Variants in PRKD1 observed in about 807,000 individuals in gnomAD.
The protein encoded by PRKD1 is protein kinase D1.
In PRKD1, 63 loss-of-function variants were observed where a neutral mutation model predicts 95.9. The observed-to-expected ratio is 0.66, with a 90% CI of 0.54 to 0.81. The LOEUF is 0.81. Ranked by LOEUF, PRKD1 falls within the 30% of genes least tolerant of loss-of-function variation. PRKD1 has a pLI of 0.00. For missense variants in PRKD1, 1,048 were observed against 1,165.3 expected (o/e 0.90, Z 1.47); for synonymous variants, 425 against 423.1 (o/e 1.00, Z -0.05).
At chr14:29,710,688 A>C (rs1230460237) in intron 2 of PRKD1, among the ~76,000 whole-genome samples, 1 of 152,182 alleles carries the variant, frequency 6.6e-6, no homozygotes, top group African/African-American at 2.4e-5. Context: ...CAAATCATAT[A>C]CCAATGTTAA....
rs1879818310 is a variant in PRKD1, at chr14:29,629,104, A to G, written c.1673-11T>C. 12 of 1,602,714 alleles carry G rather than the reference A, an allele frequency of 7.5e-6. No individual in the cohort carries two copies. The highest frequency in any genetic ancestry group is 1.0e-5 in the Non-Finnish European group (12 of 1,174,862). On this transcript the variant is annotated splice_polypyrimidine_tract_variant and intron_variant, in intron 10 of 17. Transcript: ENST00000331968. ...TCACAGAGATATCTCCTGGAAATGC[A>G]TGTAAAACAATATGCACACAAAAAG...
intron 1 of PRKD1, among the ~76,000 whole-genome samples, chr14:29,733,927 T>G (rs779877083): frequency 7.2e-5 from 11 of 152,084 alleles, no homozygotes; most frequent in Non-Finnish European, 1.3e-4. Flanking sequence ...TGTTTTCATT[T>G]AAATCCTTGA....
At chr14:29,877,000 A>T (rs140387771) in intron 1 of PRKD1, among the ~76,000 whole-genome samples, 47 of 152,250 alleles carry the variant, frequency 3.1e-4, no homozygotes, top group Non-Finnish European at 3.4e-4. Context: ...AAAAATACAA[A>T]AATTAGACAG....
chr14:29,671,660 G>A (rs1258805318), intron 2 of PRKD1, among the ~76,000 whole-genome samples: 1 of 152,122 alleles, frequency 6.6e-6, no homozygotes, highest in African/African-American at 2.4e-5. Flanking sequence ...GGATGGATGA[G>A]AAAGGGGCTT....
chr14:29,872,049 A>G (rs1173306837), intron 1 of PRKD1, among the ~76,000 whole-genome samples: 1 of 152,208 alleles, frequency 6.6e-6, no homozygotes, highest in Non-Finnish European at 1.5e-5. Flanking sequence ...GGGTTCAGTG[A>G]AAAACAGTTT....
intron 2 of PRKD1, among the ~76,000 whole-genome samples, chr14:29,683,123 G>T (rs1303420087): frequency 6.6e-6 from 1 of 152,218 alleles, no homozygotes; most frequent in Admixed American, 6.5e-5. Context: ...GGACTGTAGA[G>T]AGGAAGGATT....
At chr14:29,900,397 G>T (rs953905888) in intron 1 of PRKD1, among the ~76,000 whole-genome samples, 3 of 151,982 alleles carry the variant, frequency 2.0e-5, no homozygotes, top group African/African-American at 7.2e-5. Context: ...AATGAAAAAA[G>T]AAAAATCTTG....
At chr14:29,708,495 G>C (rs376148674) in intron 2 of PRKD1, among the ~76,000 whole-genome samples, 1 of 152,014 alleles carries the variant, frequency 6.6e-6, no homozygotes, top group East Asian at 1.9e-4. Context: ...TAGATATTTC[G>C]TTCTTACTAA....
intron 1 of PRKD1, among the ~76,000 whole-genome samples, chr14:29,729,112 T>A (rs956238538): frequency 3.9e-5 from 6 of 152,164 alleles, no homozygotes; most frequent in Non-Finnish European, 7.4e-5. Flanking sequence ...TTCTCCTATA[T>A]TTTATTCTAC....
intron 16 of PRKD1, among the ~76,000 whole-genome samples, chr14:29,589,897 T>C (rs1379991461): frequency 6.6e-6 from 1 of 152,166 alleles, no homozygotes; most frequent in Non-Finnish European, 1.5e-5. Flanking sequence ...TTTTAAATAT[T>C]TAAAATTTTT....
At chr14:29,762,054 G>A (rs893797070) in intron 1 of PRKD1, among the ~76,000 whole-genome samples, 4 of 152,082 alleles carry the variant, frequency 2.6e-5, no homozygotes, top group Admixed American at 2.0e-4. Flanking sequence ...TTATAGGTGT[G>A]AGCCACTCAC....
At chr14:29,635,789 T>A (rs1206568805) in intron 7 of PRKD1, among the ~76,000 whole-genome samples, 2 of 152,134 alleles carry the variant, frequency 1.3e-5, no homozygotes, top group African/African-American at 4.8e-5. Context: ...TGACTCCTGA[T>A]ATAAAAAGTG....
chr14:29,646,765 A>C (rs1315961499), intron 4 of PRKD1, among the ~76,000 whole-genome samples: 2 of 150,126 alleles, frequency 1.3e-5, no homozygotes, highest in Non-Finnish European at 3.0e-5. Context: ...AAAAAAAAAA[A>C]CCCACACAGT....
intron 3 of PRKD1, among the ~76,000 whole-genome samples, chr14:29,664,477 C>A (rs1413150709): frequency 6.6e-6 from 1 of 152,100 alleles, no homozygotes; most frequent in African/African-American, 2.4e-5. Context: ...TATTCATATT[C>A]CCCACGTAGC....
chr14:29,786,195 C>A (rs576650606), intron 1 of PRKD1, among the ~76,000 whole-genome samples: 74 of 152,290 alleles, frequency 4.9e-4, no homozygotes, highest in Non-Finnish European at 8.8e-4. Context: ...ACAAATCCCA[C>A]TTTGTCATGG....
intron 16 of PRKD1, chr14:29,594,198 A>G (rs773708194): frequency 1.4e-5 from 6 of 439,820 alleles, no homozygotes; most frequent in South Asian, 9.9e-5. Context: ...TACATAATAA[A>G]GAAATTTGTA....
At chr14:29,904,948 T>C (rs1455487751) in intron 1 of PRKD1, among the ~76,000 whole-genome samples, 5 of 152,200 alleles carry the variant, frequency 3.3e-5, no homozygotes. Flanking sequence ...AAATCAATAA[T>C]TTGTGGGGAA....
chr14:29,696,197 C>T (rs554310587), intron 2 of PRKD1, among the ~76,000 whole-genome samples: 2 of 151,918 alleles, frequency 1.3e-5, no homozygotes, highest in African/African-American at 2.4e-5. Context: ...ATATGAATTG[C>T]TGATGAACTG....
At chr14:29,828,236 CTG>C (rs1891272682) in intron 1 of PRKD1, among the ~76,000 whole-genome samples, 1 of 152,094 alleles carries the variant, frequency 6.6e-6, no homozygotes. Context: ...ATGCCAGTAT[CTG>C]TTTCTGGTAA....
Sources: allele counts gnomAD v4.1 joint callset (sites outside exome capture counted in the v4.1 genomes callset), GRCh38; gene constraint gnomAD v4.1.1; transcripts MANE v1.5; gene names NCBI Gene and HGNC (gene_info 2026-07-23, HGNC 2026-07-21).